Variants in EXOC6B observed in about 807,000 individuals in gnomAD.
EXOC6B encodes SEC15 homolog B.
EXOC6B carries 54 observed loss-of-function variants against 113.5 expected under a neutral mutation model. The observed-to-expected ratio is 0.48, with a 90% confidence interval of 0.38 to 0.60. The LOEUF is 0.60. EXOC6B is among the 20% of genes least tolerant of loss of function. The probability of loss-of-function intolerance (pLI) is 0.00; values close to 1 mark genes in which losing one functional copy is unlikely to be tolerated. For missense variants in EXOC6B, 797 were observed against 977.5 expected (o/e 0.82, Z 2.46); for synonymous variants, 357 against 339.0 (o/e 1.05, Z -0.58).
rs375694752 is a variant in EXOC6B, at chr2:72,601,350, T to A, written c.670-25682A>T. Among the ~76,000 whole-genome samples, 22 of 152,026 alleles carry A rather than the reference T, an allele frequency of 1.4e-4. 2 individuals are homozygous for A. Among genetic ancestry groups the A allele is most frequent in the African/African-American group, 4.6e-4 (19 of 41,456 alleles). On this transcript the variant is annotated intron_variant, in intron 6 of 21. Transcript: ENST00000272427. ...GGCACCCACCACCATGCCCAGCTAA[T>A]TTTTTTGTACTTTTAGTAGAGACGG...
At chr2:72,301,179 T>C (rs1686504028) in intron 20 of EXOC6B, among the ~76,000 whole-genome samples, 1 of 152,258 alleles carries the variant, frequency 6.6e-6, no homozygotes, top group Non-Finnish European at 1.5e-5. Context: ...CAACCTTCTA[T>C]CTCAGGGATA....
At chr2:72,751,201 T>C (rs531888529) in intron 1 of EXOC6B, among the ~76,000 whole-genome samples, 10 of 152,238 alleles carry the variant, frequency 6.6e-5, no homozygotes, top group Non-Finnish European at 7.4e-5. Context: ...CCCAAGCTGA[T>C]TGAGATACAG....
chr2:72,369,395 A>G (rs1690858647), intron 19 of EXOC6B, among the ~76,000 whole-genome samples: 1 of 152,250 alleles, frequency 6.6e-6, no homozygotes, highest in Admixed American at 6.5e-5. Context: ...TTTCGTGCTC[A>G]TGGGTAGGAA....
chr2:72,742,720 T>G (rs1681404427), intron 1 of EXOC6B, among the ~76,000 whole-genome samples: 2 of 152,166 alleles, frequency 1.3e-5, no homozygotes, highest in Non-Finnish European at 2.9e-5. Context: ...CTCCTCCTCC[T>G]CTATTACATT....
chr2:72,207,712 T>G (rs1005665597), intron 20 of EXOC6B, among the ~76,000 whole-genome samples: 1 of 152,220 alleles, frequency 6.6e-6, no homozygotes, highest in Non-Finnish European at 1.5e-5. Flanking sequence ...AAGTATTAGA[T>G]GTTTTGATGT....
chr2:72,809,023 C>A (rs1685732251), intron 1 of EXOC6B, among the ~76,000 whole-genome samples: 1 of 152,070 alleles, frequency 6.6e-6, no homozygotes, highest in South Asian at 2.1e-4. Context: ...CATGAATACA[C>A]CACTTGCACT....
chr2:72,700,087 T>G, intron 6 of EXOC6B, among the ~76,000 whole-genome samples: 1 of 152,222 alleles, frequency 6.6e-6, no homozygotes, highest in East Asian at 1.9e-4. Flanking sequence ...CAAATAGTTG[T>G]TATACTATAT....
intron 1 of EXOC6B, among the ~76,000 whole-genome samples, chr2:72,818,311 AT>A (rs1183950982): frequency 0.052 from 6,166 of 117,910 alleles, 136 homozygotes; most frequent in African/African-American, 0.11. Context: ...GGCCCAGCTA[AT>A]TTTTTTTTTT....
At chr2:72,400,693 TCAA>T (rs1221470717) in intron 18 of EXOC6B, among the ~76,000 whole-genome samples, 1 of 146,666 alleles carries the variant, frequency 6.8e-6, no homozygotes, top group Admixed American at 6.8e-5. Flanking sequence ...GAAAAAATGC[TCAA>T]CATCACTAAT....
chr2:72,537,026 C>T (rs1702328747), intron 8 of EXOC6B, among the ~76,000 whole-genome samples: 1 of 152,136 alleles, frequency 6.6e-6, no homozygotes, highest in South Asian at 2.1e-4. Context: ...TTCTATGTAA[C>T]CTCTTAGAAG....
chr2:72,205,440 A>C, intron 20 of EXOC6B, among the ~76,000 whole-genome samples: 1 of 152,204 alleles, frequency 6.6e-6, no homozygotes, highest in Non-Finnish European at 1.5e-5. Flanking sequence ...ATACGCCTGC[A>C]AAAGGCCTGT....
chr2:72,503,165 T>C (rs917222582), intron 11 of EXOC6B, among the ~76,000 whole-genome samples: 6 of 152,154 alleles, frequency 3.9e-5, no homozygotes, highest in Non-Finnish European at 8.8e-5. Flanking sequence ...TGTGGTACAA[T>C]TAATAACTGA....
intron 1 of EXOC6B, among the ~76,000 whole-genome samples, chr2:72,803,786 T>C (rs1043040035): frequency 5.9e-5 from 9 of 152,228 alleles, no homozygotes; most frequent in African/African-American, 2.2e-4. Flanking sequence ...TTCAAGACAC[T>C]TGGCTGCCAT....
At chr2:72,670,244 T>G (rs897072730) in intron 6 of EXOC6B, among the ~76,000 whole-genome samples, 4 of 152,214 alleles carry the variant, frequency 2.6e-5, no homozygotes, top group African/African-American at 4.8e-5. Context: ...TATAATATTT[T>G]GTTATAAATT....
At chr2:72,591,216 T>C (rs1333113918) in intron 6 of EXOC6B, among the ~76,000 whole-genome samples, 1 of 152,116 alleles carries the variant, frequency 6.6e-6, no homozygotes, top group African/African-American at 2.4e-5. Context: ...AAATGTCTTA[T>C]CTTTATCCAC....
At position 72,177,979 on chromosome 2, in the gene EXOC6B, C is replaced by T. The variant is rs1250063102; in HGVS notation, c.*1356G>A. On this transcript the variant is annotated 3_prime_UTR_variant, in exon 22 of 22. Transcript: ENST00000272427. Reference sequence around the variant, plus strand: ...ATAGCAAAGCCCTTGCGTTAAGTCTCAGGAGTCCATCTGGGTCAATGAGTG... The same window carrying T: ...ATAGCAAAGCCCTTGCGTTAAGTCTTAGGAGTCCATCTGGGTCAATGAGTG... The T allele has an allele frequency of 6.6e-6, 1 of 152,216 alleles. No individual in the cohort carries two copies. Among genetic ancestry groups the T allele is most frequent in the African/African-American group, 2.4e-5 (1 of 41,448 alleles). 9.4% of individuals were successfully genotyped at this position (152,216 alleles called of 1,614,324 possible). A position where few individuals can be genotyped will look rare whatever the true frequency, so the allele number is the denominator to read the frequency against.
At chr2:72,261,363 T>C (rs1226897663) in intron 20 of EXOC6B, among the ~76,000 whole-genome samples, 4 of 152,254 alleles carry the variant, frequency 2.6e-5, no homozygotes, top group Admixed American at 6.5e-5. Context: ...CTCATACTTA[T>C]AATTTTAAAG....
chr2:72,243,767 A>G (rs1257149960), intron 20 of EXOC6B, among the ~76,000 whole-genome samples: 1 of 152,188 alleles, frequency 6.6e-6, no homozygotes, highest in African/African-American at 2.4e-5. Flanking sequence ...AAAAACAAGA[A>G]CAAAAACGAA....
At chr2:72,675,158 T>C (rs1212858484) in intron 6 of EXOC6B, among the ~76,000 whole-genome samples, 3 of 152,204 alleles carry the variant, frequency 2.0e-5, no homozygotes, top group African/African-American at 7.2e-5. Context: ...GGCTGATAAA[T>C]GCTATATGAT....
Sources: allele counts gnomAD v4.1 joint callset (sites outside exome capture counted in the v4.1 genomes callset), GRCh38; gene constraint gnomAD v4.1.1; transcripts MANE v1.5; gene names NCBI Gene and HGNC (gene_info 2026-07-23, HGNC 2026-07-21).